ZBTB38: variants seen among roughly 807,000 people sequenced by gnomAD.
The protein encoded by ZBTB38 is zinc finger and BTB domain containing 38, also known as zinc finger and BTB domain-containing protein 38.
Under a neutral mutation model 76.8 loss-of-function variants are expected in ZBTB38, and 20 were observed. The ratio of observed to expected loss-of-function variants is 0.26; its 90% CI spans 0.18 to 0.38. The LOEUF is 0.38. ZBTB38 is among the 10% of genes least tolerant of loss of function. The probability of loss-of-function intolerance (pLI) is 1.00; values close to 1 mark genes in which losing one functional copy is unlikely to be tolerated. For missense variants in ZBTB38, 1,082 were observed against 1,482.3 expected (o/e 0.73, Z 4.43); for synonymous variants, 504 against 544.2 (o/e 0.93, Z 1.03).
intron 1 of ZBTB38, among the ~76,000 whole-genome samples, chr3:141,325,505 T>C (rs1278116754): frequency 6.6e-6 from 1 of 152,194 alleles, no homozygotes; most frequent in Non-Finnish European, 1.5e-5. Flanking sequence ...TAAGGGATTC[T>C]TTCTTCAGCA....
At chr3:141,382,201 T>C (rs1320635121) in intron 3 of ZBTB38, among the ~76,000 whole-genome samples, 1 of 152,106 alleles carries the variant, frequency 6.6e-6, no homozygotes, top group African/African-American at 2.4e-5. Flanking sequence ...CTGGGCAACA[T>C]AGCGAGACTC....
intron 1 of ZBTB38, among the ~76,000 whole-genome samples, chr3:141,332,874 G>A (rs759735160): frequency 1.3e-5 from 2 of 152,146 alleles, no homozygotes; most frequent in Non-Finnish European, 2.9e-5. Context: ...ATAAACTAGG[G>A]GAAATTCATA....
chr3:141,383,060 G>T (rs1047849666), intron 3 of ZBTB38, among the ~76,000 whole-genome samples: 19 of 152,212 alleles, frequency 1.2e-4, no homozygotes, highest in African/African-American at 4.1e-4. Flanking sequence ...GGGTTAGAAT[G>T]AAATAAACAT....
chr3:141,355,249 T>G (rs925545433), intron 1 of ZBTB38, among the ~76,000 whole-genome samples: 1 of 152,090 alleles, frequency 6.6e-6, no homozygotes, highest in Non-Finnish European at 1.5e-5. Context: ...GAATGTCACA[T>G]TCCTGTACTT....
Position 141,445,788 on chromosome 3 carries a change from T to C in ZBTB38, c.3400T>C (p.Cys1134Arg), listed in dbSNP as rs1211796711. The C allele has an allele frequency of 1.2e-6, 2 of 1,614,066 alleles. No homozygotes were observed. Among genetic ancestry groups the C allele is most frequent in the Non-Finnish European group, 1.7e-6 (2 of 1,180,038 alleles). ...GYACFQCPKICKTAAALGMHQ... is the reference protein window; with the variant it reads ...GYACFQCPKIRKTAAALGMHQ... ...TGCCTGCTTCCAGTGCCCCAAAATTTGCAAAACAGCTGCTGCCCTTGGAAT... is the reference window on the plus strand; with the variant it reads ...TGCCTGCTTCCAGTGCCCCAAAATTCGCAAAACAGCTGCTGCCCTTGGAAT... Residue 1134 changes from cysteine to arginine, a missense_variant, in exon 6 of 6, where the codon TGC (cysteine) becomes CGC (arginine). By Grantham distance (180) the Cys-to-Arg change is radical (BLOSUM62 -3). Transcript: ENST00000321464. The surrounding 1 kb of genome is among the most constrained non-coding windows in gnomAD (Gnocchi z 6.5).
chr3:141,404,490 C>G (rs1159988938), intron 5 of ZBTB38, among the ~76,000 whole-genome samples: 1 of 152,124 alleles, frequency 6.6e-6, no homozygotes, highest in Non-Finnish European at 1.5e-5. Flanking sequence ...ACCGAGTATA[C>G]AAATGTGAAG....
At chr3:141,422,362 A>G (rs575128961) in intron 5 of ZBTB38, among the ~76,000 whole-genome samples, 10 of 152,184 alleles carry the variant, frequency 6.6e-5, no homozygotes, top group Non-Finnish European at 1.2e-4. Context: ...CCTGGCACTT[A>G]TTGCCTCTCA....
intron 1 of ZBTB38, among the ~76,000 whole-genome samples, chr3:141,354,525 A>G (rs570793248): frequency 6.6e-6 from 1 of 152,004 alleles, no homozygotes; most frequent in East Asian, 1.9e-4. Context: ...GGATGGGCAA[A>G]AGTTTCCTCC....
intron 1 of ZBTB38, among the ~76,000 whole-genome samples, chr3:141,349,428 TCAC>T (rs1194509471): frequency 2.0e-5 from 3 of 152,178 alleles, no homozygotes; most frequent in African/African-American, 7.2e-5. Context: ...CAAGGTTAAA[TCAC>T]CACTAGTAAG....
rs1300606813 is a variant in ZBTB38 at position 141,438,212 on chromosome 3, C to CT, written c.1-4165dup. 938 of 137,536 alleles carry CT rather than the reference C, an allele frequency of 6.8e-3. 15 individuals carry two copies. Among genetic ancestry groups the CT allele is most frequent in the African/African-American group, 0.022 (824 of 37,548 alleles). The allele number at this position is 137,536 out of a possible 1,614,324, so 8.5% of individuals were successfully genotyped here. ...TCCAACACCCCATCCCACTTTCTTT[C>CT]TTTTTTTTTTTTCTTTTTTCTTCTT... On this transcript the variant is annotated intron_variant, in intron 5 of 5. Coordinates refer to ENST00000321464, the MANE Select transcript of ZBTB38 (RefSeq NM_001376113.1).
chr3:141,377,888 C>A (rs1198089505), intron 2 of ZBTB38, among the ~76,000 whole-genome samples: 2 of 152,112 alleles, frequency 1.3e-5, no homozygotes, highest in Non-Finnish European at 2.9e-5. Context: ...CTTGGACTGA[C>A]AAAATCACAG....
chr3:141,412,944 A>G (rs898873637), intron 5 of ZBTB38, among the ~76,000 whole-genome samples: 5 of 152,172 alleles, frequency 3.3e-5, no homozygotes, highest in African/African-American at 1.2e-4. Flanking sequence ...AGCTCTGCCA[A>G]GCGCCTGCGT....
rs1298560960 is a variant in ZBTB38 at position 141,445,882 on chromosome 3, A to T, written c.3494A>T (p.Asn1165Ile). ...AAAATAGGTGACGTGTGCCACGAAA[A>T]CTCAAATCCCTTGGAGAATCAACAT... Reference protein sequence around the residue: ...QEKIGDVCHENSNPLENQHFI... With the variant: ...QEKIGDVCHEISNPLENQHFI... The change falls in exon 6 of 6, where the codon AAC (asparagine) becomes ATC (isoleucine). Residue 1165 changes from asparagine (N) to isoleucine (I), a missense_variant. By Grantham distance (149) the Asn-to-Ile change is moderately radical. This residue lies in a region of ZBTB38 where 54 missense variants were observed against 57.9 expected (regional missense o/e 0.93). Transcript: ENST00000321464. The surrounding 1 kb of genome is among the most constrained non-coding windows in gnomAD (Gnocchi z 6.5). 7 of 1,611,692 alleles carry T rather than the reference A, an allele frequency of 4.3e-6. No homozygotes were observed. The African/African-American group carries it at 9.3e-5, about 22-fold the overall frequency.
At chr3:141,326,452 C>A (rs1401197407) in intron 1 of ZBTB38, among the ~76,000 whole-genome samples, 1 of 152,062 alleles carries the variant, frequency 6.6e-6, no homozygotes, top group East Asian at 1.9e-4. Flanking sequence ...CTGGAGGGAA[C>A]AAAAGCAGGG....
intron 5 of ZBTB38, among the ~76,000 whole-genome samples, chr3:141,440,239 C>A (rs896750233): frequency 6.6e-6 from 1 of 152,184 alleles, no homozygotes; most frequent in African/African-American, 2.4e-5. Flanking sequence ...TTCTGAGCTT[C>A]TTTGTCTTGA....
chr3:141,426,240 G>A, intron 5 of ZBTB38: 1 of 1,270,170 alleles, frequency 7.9e-7, no homozygotes, highest in East Asian at 5.6e-5. Context: ...GTAATTTTCA[G>A]CAGGATGCAA....
At chr3:141,431,337 A>ATATATATATATATATATAT (rs1320311107) in intron 5 of ZBTB38, among the ~76,000 whole-genome samples, 1 of 101,994 alleles carries the variant, frequency 9.8e-6, no homozygotes, top group African/African-American at 5.9e-5. Context: ...AAAAAAAAAA[A>ATATATATATATATATATAT]AAAAATATAT....
At chr3:141,357,134 A>G (rs1166628435) in intron 1 of ZBTB38, among the ~76,000 whole-genome samples, 1 of 152,226 alleles carries the variant, frequency 6.6e-6, no homozygotes, top group Non-Finnish European at 1.5e-5. Flanking sequence ...TGCGACAGGC[A>G]AATGACCCTC....
chr3:141,356,425 G>C (rs982485689), intron 1 of ZBTB38, among the ~76,000 whole-genome samples: 1 of 152,070 alleles, frequency 6.6e-6, no homozygotes, highest in African/African-American at 2.4e-5. Context: ...GGGCTGCTGC[G>C]GCTCTGTTTA....
Sources: gnomAD v4.1 joint callset for allele counts (sites outside exome capture counted in the v4.1 genomes callset) on GRCh38, gnomAD v4.1.1 for gene constraint, gnomAD v4.1.1 regional missense constraint, Gnocchi (gnomAD v3.1) non-coding constraint, MANE v1.5 for transcripts, NCBI Gene and HGNC (gene_info 2026-07-23, HGNC 2026-07-21) for gene names.